Variants in IPO7 observed in about 807,000 individuals in gnomAD.
IPO7 encodes the protein importin 7.
A neutral mutation model predicts 136.4 loss-of-function variants in IPO7; 13 were observed. The observed-to-expected ratio is 0.10, with a 90% confidence interval of 0.06 to 0.15. The LOEUF (loss-of-function observed/expected upper bound fraction) is 0.15, where lower values mean the gene tolerates loss of function less well. IPO7 is among the 10% of genes least tolerant of loss of function. IPO7 has a pLI of 1.00. For missense variants in IPO7, 857 were observed against 1,240.6 expected, an observed-to-expected ratio of 0.69 and a Z score of 4.65; for synonymous variants, 403 against 404.4, an observed-to-expected ratio of 1.00 and a Z score of 0.04.
At chr11:9,435,092 G>A in intron 19 of IPO7, 61 bp downstream of exon 19, 1 of 979,954 alleles carries the variant, frequency 1.0e-6, no homozygotes, top group Non-Finnish European at 1.6e-6. Flanking sequence ...ATGAAATTGT[G>A]AAAACTCATG....
chr11:9,409,904 T>C, intron 3 of IPO7, 24 bp from the exon 4 acceptor site: 1 of 1,494,318 alleles, frequency 6.7e-7, no homozygotes, highest in Non-Finnish European at 8.9e-7. Context: ...GATTTTTTCC[T>C]TACTGTTTTT....
At position 9,437,924 on chromosome 11, in the gene IPO7, T is replaced by C. The variant is rs760136898; in HGVS notation, c.2439T>C (p.Val813=). The C allele has an allele frequency of 2.0e-5, 32 of 1,613,840 alleles. No individual in the cohort carries two copies. In the East Asian group the frequency reaches 6.9e-4, roughly 35 times the overall value. The change falls in exon 21 of 25, where the codon GTT becomes GTC. Residue 813 remains valine (V), a synonymous_variant. Transcript: ENST00000379719. ...NLRFPNNVEP[V]TNHFITQWLN... ...GCTTCCCTAATAATGTTGAACCAGT[T>C]ACAAATCATTTTATTACACAGTGGC...
chr11:9,391,195 C>T (rs973294623), intron 1 of IPO7, among the ~76,000 whole-genome samples: 7 of 151,510 alleles, frequency 4.6e-5, no homozygotes, highest in African/African-American at 7.3e-5. Context: ...GTCGGGAGTT[C>T]GAGACAAGCC....
intron 5 of IPO7, 83 bp from the exon 6 acceptor site, chr11:9,416,976 T>C: frequency 1.7e-6 from 1 of 602,484 alleles, no homozygotes; most frequent in Non-Finnish European, 3.0e-6. Flanking sequence ...TGAAATACTT[T>C]TGGTAGGTAT....
intron 12 of IPO7, among the ~76,000 whole-genome samples, chr11:9,426,601 C>G (rs978838115): frequency 6.6e-6 from 1 of 152,116 alleles, no homozygotes; most frequent in Non-Finnish European, 1.5e-5. Flanking sequence ...TATATTTCTG[C>G]CAGCAGTATA....
At chr11:9,432,145 C>T (rs183965552) in intron 16 of IPO7, among the ~76,000 whole-genome samples, 80 of 151,572 alleles carry the variant, frequency 5.3e-4, no homozygotes, top group Admixed American at 1.6e-3. Context: ...ATCTCTTATC[C>T]GTAAATTACA....
intron 12 of IPO7, among the ~76,000 whole-genome samples, chr11:9,426,892 G>A (rs1361208538): frequency 7.0e-6 from 1 of 142,514 alleles, no homozygotes; most frequent in Non-Finnish European, 1.6e-5. Flanking sequence ...CCAAGTAGCT[G>A]AGATTTCCGC....
At chr11:9,408,082 T>A (rs1318713578) in intron 2 of IPO7, among the ~76,000 whole-genome samples, 3 of 152,204 alleles carry the variant, frequency 2.0e-5, no homozygotes, top group Non-Finnish European at 2.9e-5. Context: ...CTGGTTTTTT[T>A]ATTACCTTTG....
chr11:9,397,997 C>T (rs1218422378), intron 1 of IPO7, among the ~76,000 whole-genome samples: 1 of 152,176 alleles, frequency 6.6e-6, no homozygotes, highest in East Asian at 1.9e-4. Flanking sequence ...CTGATTGCAG[C>T]AGTTCTTTCC....
intron 20 of IPO7, among the ~76,000 whole-genome samples, chr11:9,436,641 A>G (rs1487916210): frequency 6.6e-6 from 1 of 150,950 alleles, no homozygotes; most frequent in African/African-American, 2.4e-5. Flanking sequence ...TTAAATATCC[A>G]TGGTCAGTTT....
At chr11:9,388,107 A>G (rs953668271) in intron 1 of IPO7, among the ~76,000 whole-genome samples, 1 of 151,906 alleles carries the variant, frequency 6.6e-6, no homozygotes, top group Non-Finnish European at 1.5e-5. Flanking sequence ...AGATCGTACC[A>G]TTGCACTCCA....
At chr11:9,391,290 T>A (rs1456079332) in intron 1 of IPO7, among the ~76,000 whole-genome samples, 1 of 151,768 alleles carries the variant, frequency 6.6e-6, no homozygotes, top group Non-Finnish European at 1.5e-5. Context: ...TCCCAGCTAC[T>A]TGGGAGACTG....
At chr11:9,385,042 G>C (rs972348891) in intron 1 of IPO7, among the ~76,000 whole-genome samples, 195 bp downstream of exon 1, 2 of 152,150 alleles carry the variant, frequency 1.3e-5, no homozygotes, top group Admixed American at 6.5e-5. Context: ...AGCCAAGGCT[G>C]CCTTTGCTTC....
chr11:9,397,050 T>C (rs1854718501), intron 1 of IPO7, among the ~76,000 whole-genome samples: 1 of 151,738 alleles, frequency 6.6e-6, no homozygotes, highest in Admixed American at 6.6e-5. Context: ...TCTATTACTA[T>C]AGGTTAGATT....
intron 24 of IPO7, among the ~76,000 whole-genome samples, chr11:9,444,003 G>A (rs577823719): frequency 1.3e-5 from 2 of 152,034 alleles, no homozygotes; most frequent in South Asian, 2.1e-4. Context: ...AGCCAGGCGC[G>A]GTGGCTCACG....
intron 1 of IPO7, among the ~76,000 whole-genome samples, chr11:9,400,204 T>C (rs939987241): frequency 6.6e-6 from 1 of 152,198 alleles, no homozygotes; most frequent in African/African-American, 2.4e-5. Flanking sequence ...AAAATTTTTT[T>C]CCCCCAAACA....
intron 1 of IPO7, 23 bp downstream of exon 1, chr11:9,384,870 G>A: frequency 1.3e-6 from 2 of 1,569,728 alleles, no homozygotes; most frequent in Non-Finnish European, 1.7e-6. Flanking sequence ...GGCTAGCGGT[G>A]GCGGCGGGCA....
chr11:9,408,363 G>T, intron 2 of IPO7, 123 bp from the exon 3 acceptor site: 2 of 494,222 alleles, frequency 4.0e-6, no homozygotes, highest in African/African-American at 2.0e-5. Context: ...GTAGTATTTT[G>T]TTAATGAAAG....
chr11:9,428,748 G>C lies in IPO7; in HGVS notation c.1425+119G>C, dbSNP rs576902799. On this transcript the variant is annotated intron_variant, in intron 13 of 24. Coordinates refer to ENST00000379719, the MANE Select transcript of IPO7 (RefSeq NM_006391.3). ...AGCCTGTGTCTTATTTTAGGTTTCT[G>C]TTTAATGTAAATCTTTACATGGCTG... 9 of 801,470 alleles carry C rather than the reference G, an allele frequency of 1.1e-5. No homozygotes were observed. In the African/African-American group the frequency reaches 1.5e-4, roughly 13 times the overall value. The allele number at this position is 801,470 out of a possible 1,614,324, so 49.6% of individuals were successfully genotyped here. A position where few individuals can be genotyped will look rare whatever the true frequency, so the allele number is the denominator to read the frequency against.
Sources: allele counts gnomAD v4.1 joint callset (sites outside exome capture counted in the v4.1 genomes callset), GRCh38; gene constraint gnomAD v4.1.1; transcripts MANE v1.5; gene names NCBI Gene and HGNC (gene_info 2026-07-23, HGNC 2026-07-21).